ATP11C: variants seen among roughly 807,000 people sequenced by gnomAD.
The protein encoded by ATP11C is phospholipid-transporting ATPase IG.
A neutral mutation model predicts 97.4 loss-of-function variants in ATP11C; 36 were observed. The ratio of observed to expected loss-of-function variants is 0.37; its 90% confidence interval spans 0.28 to 0.49. The LOEUF is 0.49. Ranked by LOEUF, ATP11C falls within the 20% of genes least tolerant of loss-of-function variation. ATP11C has a pLI of 0.98. For missense variants in ATP11C, 730 were observed against 824.6 expected, an observed-to-expected ratio of 0.89 and a Z score of 1.40; for synonymous variants, 275 against 290.9, an observed-to-expected ratio of 0.95 and a Z score of 0.56.
chrX:139,913,241 G>C (rs762169397), intron 1 of ATP11C, among the ~76,000 whole-genome samples: 2 of 111,811 alleles, frequency 1.8e-5, no homozygotes, highest in Non-Finnish European at 3.8e-5. Flanking sequence ...TTCCCAGGAA[G>C]CTTGCCCGTA....
chrX:139,912,823 C>T (rs758255365), intron 1 of ATP11C, among the ~76,000 whole-genome samples: 1 of 111,816 alleles, frequency 8.9e-6, no homozygotes, highest in Admixed American at 9.5e-5. Context: ...ATTTTAATTG[C>T]ACTGCCTGAA....
intron 29 of ATP11C, 48 bp downstream of exon 29, chrX:139,731,603 T>C: frequency 1.2e-6 from 1 of 823,127 alleles, no homozygotes; most frequent in Non-Finnish European, 1.7e-6. Flanking sequence ...TTTATAATGC[T>C]GTTAATCCGA....
At chrX:139,818,055 G>A (rs2147850030) in intron 3 of ATP11C, among the ~76,000 whole-genome samples, 1 of 111,116 alleles carries the variant, frequency 9.0e-6, no homozygotes, top group Admixed American at 9.6e-5. Context: ...TGTGACTTTA[G>A]GCAATCTCTT....
At chrX:139,831,076 A>G (rs1258568324) in intron 1 of ATP11C, among the ~76,000 whole-genome samples, 1 of 111,872 alleles carries the variant, frequency 8.9e-6, no homozygotes, top group Non-Finnish European at 1.9e-5. Flanking sequence ...TGTGTAATTT[A>G]CAATCATAAC....
At chrX:139,823,028 C>T (rs1054874240) in intron 2 of ATP11C, among the ~76,000 whole-genome samples, 5 of 109,946 alleles carry the variant, frequency 4.5e-5, no homozygotes, top group Non-Finnish European at 9.5e-5. Context: ...ACCAGCCTGG[C>T]CAACATGGCG....
intron 23 of ATP11C, among the ~76,000 whole-genome samples, chrX:139,757,131 G>A (rs2081953141): frequency 9.0e-6 from 1 of 110,681 alleles, no homozygotes; most frequent in Non-Finnish European, 1.9e-5. Context: ...AACACCTATG[G>A]CAATGTGGTA....
intron 1 of ATP11C, among the ~76,000 whole-genome samples, chrX:139,886,066 T>C (rs1425420497): frequency 9.0e-6 from 1 of 111,006 alleles, no homozygotes; most frequent in Non-Finnish European, 1.9e-5. Context: ...TACAGATACT[T>C]ATAGATGGGA....
At chrX:139,893,610 G>A (rs997586960) in intron 1 of ATP11C, among the ~76,000 whole-genome samples, 32 of 110,874 alleles carry the variant, frequency 2.9e-4, no homozygotes, top group African/African-American at 9.2e-4. Context: ...AGTCAGTATT[G>A]CTACTCTTAT....
intron 1 of ATP11C, among the ~76,000 whole-genome samples, chrX:139,888,797 A>G (rs73243388): frequency 9.1e-6 from 1 of 110,136 alleles, no homozygotes; most frequent in Non-Finnish European, 1.9e-5. Context: ...ACATCTACAC[A>G]GAAACCTGAA....
intron 1 of ATP11C, among the ~76,000 whole-genome samples, chrX:139,927,400 G>C (rs184581661): frequency 1.8e-5 from 2 of 111,417 alleles, no homozygotes; most frequent in South Asian, 3.7e-4. Context: ...TCAAGAGCTC[G>C]AGACTAGCCT....
intron 1 of ATP11C, among the ~76,000 whole-genome samples, chrX:139,883,111 T>A (rs1231422570): frequency 1.8e-5 from 2 of 111,830 alleles, no homozygotes; most frequent in African/African-American, 6.5e-5. Flanking sequence ...TATGCTTCCA[T>A]CTTGTCTGCT....
At chrX:139,768,497 T>G (rs1462011310) in intron 19 of ATP11C, 63 bp from the exon 20 acceptor site, 1 of 907,912 alleles carries the variant, frequency 1.1e-6, no homozygotes, top group African/African-American at 2.0e-5. Flanking sequence ...GATCCAGATT[T>G]TTTTTTTAAA....
chrX:139,730,901 C>T (rs1168143789), intron 29 of ATP11C, among the ~76,000 whole-genome samples: 1 of 111,059 alleles, frequency 9.0e-6, no homozygotes, highest in African/African-American at 3.3e-5. Flanking sequence ...CCTCCCACGG[C>T]GTATCAATTC....
At chrX:139,873,573 T>G (rs1024140208) in intron 1 of ATP11C, among the ~76,000 whole-genome samples, 1 of 107,573 alleles carries the variant, frequency 9.3e-6, no homozygotes, top group African/African-American at 3.4e-5. Context: ...CCAGGAGTGG[T>G]GGTGGGTGCC....
chrX:139,857,342 T>A (rs1255635934), intron 1 of ATP11C, among the ~76,000 whole-genome samples: 4 of 111,653 alleles, frequency 3.6e-5, no homozygotes, highest in African/African-American at 1.3e-4. Flanking sequence ...TAGATATGAG[T>A]TCTAAATTTC....
At chrX:139,798,887 C>T (rs2082859498) in intron 8 of ATP11C, 144 bp from the exon 9 acceptor site, 1 of 443,699 alleles carries the variant, frequency 2.3e-6, no homozygotes, top group Non-Finnish European at 4.0e-6. Context: ...CTCCCCAGGA[C>T]AAGCTGAAAG....
At chrX:139,844,070 C>T (rs924062641) in intron 1 of ATP11C, among the ~76,000 whole-genome samples, 4 of 111,421 alleles carry the variant, frequency 3.6e-5, no homozygotes, top group Non-Finnish European at 7.5e-5. Context: ...ACAGTCTTTG[C>T]GAAACAGAAA....
chrX:139,786,285 C>G (rs142620658), intron 15 of ATP11C, among the ~76,000 whole-genome samples: 10 of 111,715 alleles, frequency 9.0e-5, no homozygotes, highest in African/African-American at 3.2e-4. Flanking sequence ...AAAGTATTTA[C>G]TACATAGCTT....
intron 1 of ATP11C, among the ~76,000 whole-genome samples, chrX:139,875,742 G>A (rs1603409455): frequency 8.9e-6 from 1 of 112,187 alleles, no homozygotes; most frequent in Non-Finnish European, 1.9e-5. Flanking sequence ...TCCAGTCCCT[G>A]TGATGTGTAC....
Sources: allele counts gnomAD v4.1 joint callset (sites outside exome capture counted in the v4.1 genomes callset), GRCh38; gene constraint gnomAD v4.1.1; transcripts MANE v1.5; gene names NCBI Gene and HGNC (gene_info 2026-07-23, HGNC 2026-07-21).